Variants in IL26 observed in about 807,000 individuals in gnomAD.
The protein encoded by IL26 is interleukin 26, also known as interleukin-26.
A neutral mutation model predicts 21.7 loss-of-function variants in IL26; 23 were observed. The observed-to-expected ratio is 1.06, with a 90% confidence interval of 0.76 to 1.50. The LOEUF (loss-of-function observed/expected upper bound fraction) is 1.50. Ranked by LOEUF, IL26 falls within the 40% of genes most tolerant of loss-of-function variation. The probability of loss-of-function intolerance (pLI) is 0.00; values close to 1 mark genes in which losing one functional copy is unlikely to be tolerated. For synonymous variants in IL26, 63 were observed against 67.8 expected (o/e 0.93, Z 0.34); for missense variants, 204 against 196.0 (o/e 1.04, Z -0.24).
intron 3 of IL26, among the ~76,000 whole-genome samples, chr12:68,222,668 G>A (rs1189524029): frequency 6.6e-6 from 1 of 152,186 alleles, no homozygotes; most frequent in Non-Finnish European, 1.5e-5. Context: ...AAAGCTCAGA[G>A]CGTGCAGAAC....
intron 3 of IL26, among the ~76,000 whole-genome samples, chr12:68,214,362 G>A (rs570483480): frequency 1.7e-4 from 26 of 152,184 alleles, no homozygotes; most frequent in East Asian, 3.9e-4. Context: ...ATGTCACATC[G>A]GCCCATTTGG....
At chr12:68,204,347 G>A (rs558876577) in intron 3 of IL26, among the ~76,000 whole-genome samples, 6 of 151,956 alleles carry the variant, frequency 3.9e-5, no homozygotes, top group Non-Finnish European at 8.8e-5. Context: ...GTTTCACCGT[G>A]TTAGCCAGGA....
chr12:68,218,425 A>G (rs144577177), intron 3 of IL26, among the ~76,000 whole-genome samples: 2 of 152,118 alleles, frequency 1.3e-5, no homozygotes, highest in Non-Finnish European at 1.5e-5. Context: ...GATAAAAACT[A>G]CAATGTATGA....
intron 3 of IL26, among the ~76,000 whole-genome samples, chr12:68,216,181 C>A (rs1868874331): frequency 6.6e-6 from 1 of 151,874 alleles, no homozygotes; most frequent in African/African-American, 2.4e-5. Flanking sequence ...GTCCCAACTA[C>A]ACAGGAGGCT....
intron 3 of IL26, among the ~76,000 whole-genome samples, chr12:68,203,306 G>A (rs741344): frequency 0.69 from 104,962 of 152,046 alleles, 36,542 homozygotes; most frequent in Middle Eastern, 0.91. Flanking sequence ...GACTAATAAA[G>A]GAAAAGAAAG....
In IL26 at chr12:68,202,007, A is replaced by G. The variant is rs10748101; in HGVS notation, c.429+11T>C. ...ACAAAGTTTTTTAATATAAGGATTTAGAATTCTTACCCTATAAAATATTCT... is the reference window on the plus strand; with the variant it reads ...ACAAAGTTTTTTAATATAAGGATTTGGAATTCTTACCCTATAAAATATTCT... On this transcript the variant is annotated intron_variant, in intron 4 of 4. Transcript: ENST00000229134. 177,996 of 1,553,062 alleles carry G rather than the reference A, an allele frequency of 0.11. 16,527 individuals carry two copies. Among genetic ancestry groups the G allele is most frequent in the East Asian group, 0.44 (18,993 of 43,290 alleles).
chr12:68,219,370 T>C (rs974525975), intron 3 of IL26, among the ~76,000 whole-genome samples: 2 of 151,740 alleles, frequency 1.3e-5, no homozygotes, highest in African/African-American at 4.8e-5. Context: ...GAAATCAAAA[T>C]TAGAAAAGTA....
intron 4 of IL26, 38 bp from the exon 5 acceptor site, chr12:68,201,969 C>G (rs1292303429): frequency 6.4e-7 from 1 of 1,558,962 alleles, no homozygotes; most frequent in African/African-American, 1.4e-5. Context: ...ATAAATTTTT[C>G]CTATTTTAAA....
At chr12:68,202,104 A>G in intron 3 of IL26, 21 bp from the exon 4 acceptor site, 2 of 1,464,928 alleles carry the variant, frequency 1.4e-6, no homozygotes, top group Non-Finnish European at 1.9e-6. Flanking sequence ...AACAGTAATT[A>G]CAGATAATAT....
chr12:68,220,400 A>G (rs1050831858), intron 3 of IL26, among the ~76,000 whole-genome samples: 4 of 152,182 alleles, frequency 2.6e-5, no homozygotes, highest in African/African-American at 9.7e-5. Context: ...AACTTTGAAA[A>G]TCAATGTAAT....
chr12:68,204,981 T>TA (rs11570958), intron 3 of IL26, among the ~76,000 whole-genome samples: 33,687 of 152,062 alleles, frequency 0.22, 4,556 homozygotes, highest in East Asian at 0.7. Context: ...CAATGTGTGA[T>TA]AAAGGGTCAG....
chr12:68,216,515 G>A (rs1036364952), intron 3 of IL26, among the ~76,000 whole-genome samples: 9 of 152,278 alleles, frequency 5.9e-5, no homozygotes, highest in Admixed American at 2.0e-4. Context: ...TTCTCCCAAC[G>A]ACCTTAAGAT....
intron 3 of IL26, among the ~76,000 whole-genome samples, chr12:68,204,630 C>T (rs555041710): frequency 6.6e-6 from 1 of 152,160 alleles, no homozygotes; most frequent in African/African-American, 2.4e-5. Flanking sequence ...ACACCAAAGG[C>T]ACATGCTACT....
At chr12:68,211,220 G>A (rs771104754) in intron 3 of IL26, among the ~76,000 whole-genome samples, 12 of 152,084 alleles carry the variant, frequency 7.9e-5, no homozygotes, top group Admixed American at 5.2e-4. Flanking sequence ...TTCACTTAAC[G>A]TAAAAACCTC....
At chr12:68,208,514 T>A (rs1417855806) in intron 3 of IL26, among the ~76,000 whole-genome samples, 4 of 152,110 alleles carry the variant, frequency 2.6e-5, no homozygotes, top group Non-Finnish European at 5.9e-5. Flanking sequence ...TTCTTTTTTC[T>A]TGAGACGGAG....
intron 3 of IL26, among the ~76,000 whole-genome samples, chr12:68,202,995 T>C (rs1868429672): frequency 1.3e-5 from 2 of 151,866 alleles, no homozygotes; most frequent in Admixed American, 1.3e-4. Flanking sequence ...GACATGAGAA[T>C]GACAAGAAAA....
At chr12:68,223,940 C>T (rs1332000759) in intron 3 of IL26, among the ~76,000 whole-genome samples, 2 of 139,308 alleles carry the variant, frequency 1.4e-5, no homozygotes, top group Non-Finnish European at 3.0e-5. Context: ...GATCTACTCA[C>T]ACTCATAAAA....
At chr12:68,222,904 TTTAAA>T (rs983444081) in intron 3 of IL26, among the ~76,000 whole-genome samples, 11 of 152,226 alleles carry the variant, frequency 7.2e-5, no homozygotes, top group African/African-American at 2.7e-4. Flanking sequence ...AAATATCATA[TTTAAA>T]TTAATGTTGT....
At chr12:68,210,017 T>C (rs957685317) in intron 3 of IL26, among the ~76,000 whole-genome samples, 8 of 152,094 alleles carry the variant, frequency 5.3e-5, no homozygotes, top group Non-Finnish European at 1.2e-4. Flanking sequence ...CTTCTTGTTG[T>C]TTTTTGTTTT....
Sources: gnomAD v4.1 joint callset for allele counts (sites outside exome capture counted in the v4.1 genomes callset) on GRCh38, gnomAD v4.1.1 for gene constraint, MANE v1.5 for transcripts, NCBI Gene and HGNC (gene_info 2026-07-23, HGNC 2026-07-21) for gene names.